RGL1: variants seen among roughly 807,000 people sequenced by gnomAD.
RGL1 encodes ral guanine nucleotide dissociation stimulator-like 1.
Under a neutral mutation model 95.2 loss-of-function variants are expected in RGL1, and 24 were observed. The ratio of observed to expected loss-of-function variants is 0.25; its 90% CI spans 0.18 to 0.35. The LOEUF (loss-of-function observed/expected upper bound fraction) is 0.35, where lower values mean the gene tolerates loss of function less well. RGL1 is among the 10% of genes least tolerant of loss of function. The pLI is 1.00. For synonymous variants in RGL1, 329 were observed against 344.9 expected, an observed-to-expected ratio of 0.95 and a Z score of 0.51; for missense variants, 715 against 936.3, an observed-to-expected ratio of 0.76 and a Z score of 3.08.
intron 2 of RGL1, among the ~76,000 whole-genome samples, chr1:183,791,829 C>T (rs1046074655): frequency 1.6e-4 from 25 of 152,130 alleles, no homozygotes; most frequent in African/African-American, 5.5e-4. Context: ...GCTCTTCTTT[C>T]CCTCTTGCTC....
chr1:183,638,465 G>A (rs1649693786), intron 1 of RGL1, among the ~76,000 whole-genome samples: 1 of 152,126 alleles, frequency 6.6e-6, no homozygotes, highest in East Asian at 1.9e-4. Flanking sequence ...CAGAAATTGA[G>A]TATTTTTTAG....
At chr1:183,871,201 G>GT (rs2102609726) in intron 4 of RGL1, among the ~76,000 whole-genome samples, 1 of 152,326 alleles carries the variant, frequency 6.6e-6, no homozygotes, top group South Asian at 2.1e-4. Context: ...TGGAAAGTGT[G>GT]TTACCAGTTT....
intron 1 of RGL1, among the ~76,000 whole-genome samples, chr1:183,697,606 G>A (rs991015765): frequency 2.0e-5 from 3 of 152,158 alleles, no homozygotes; most frequent in East Asian, 1.9e-4. Flanking sequence ...TTAAATGCAC[G>A]TTGTAACATC....
chr1:183,669,375 CT>C (rs1158083474), intron 1 of RGL1, among the ~76,000 whole-genome samples: 1 of 152,022 alleles, frequency 6.6e-6, no homozygotes, highest in East Asian at 1.9e-4. Flanking sequence ...TTTCATGTTT[CT>C]GTTTACATTA....
At chr1:183,648,588 T>G (rs776661029) in intron 1 of RGL1, 86 of 1,614,032 alleles carry the variant, frequency 5.3e-5, no homozygotes, top group Non-Finnish European at 2.5e-6. Context: ...AAATGTGAGG[T>G]GTTTTGTTTG....
At position 183,919,335 on chromosome 1, in the gene RGL1, T is replaced by C. The variant is rs373881036; in HGVS notation, c.2004+2634T>C. On this transcript the variant is annotated intron_variant, in intron 16 of 17. Transcript: ENST00000360851. ...GAGTACAGGGTACTGAAGAATACAG[T>C]GACAGCTAGTAGATTTGTAGTTAGA... is the stretch of plus-strand genomic sequence containing the variant. 3.4e-3 allele frequency among the ~76,000 whole-genome samples: 512 copies of C among 152,356 alleles called. 5 individuals carry two copies. The highest frequency in any genetic ancestry group is 0.012 in the African/African-American group (488 of 41,588).
intron 3 of RGL1, among the ~76,000 whole-genome samples, chr1:183,859,847 A>G (rs1665395796): frequency 6.6e-6 from 1 of 152,248 alleles, no homozygotes; most frequent in African/African-American, 2.4e-5. Flanking sequence ...AGACCTTTCC[A>G]AGGTAGGCTT....
At chr1:183,898,206 C>T (rs562247601) in intron 10 of RGL1, among the ~76,000 whole-genome samples, 1 of 152,310 alleles carries the variant, frequency 6.6e-6, no homozygotes, top group East Asian at 1.9e-4. Flanking sequence ...CTTCCGCCCC[C>T]TCCTGCACTT....
chr1:183,903,566 G>T (rs993526385), intron 12 of RGL1, among the ~76,000 whole-genome samples: 2 of 152,098 alleles, frequency 1.3e-5, no homozygotes, highest in African/African-American at 4.8e-5. Flanking sequence ...ACATGGGGGG[G>T]GTTTGGGAAT....
chr1:183,820,715 C>G (rs78051925), intron 2 of RGL1, among the ~76,000 whole-genome samples: 63 of 152,194 alleles, frequency 4.1e-4, no homozygotes, highest in Non-Finnish European at 6.9e-4. Context: ...CTGTAAAATC[C>G]GCACCAGAGT....
chr1:183,918,333 G>A (rs1489588165), intron 16 of RGL1, among the ~76,000 whole-genome samples: 1 of 151,838 alleles, frequency 6.6e-6, no homozygotes, highest in Non-Finnish European at 1.5e-5. Context: ...TGAGGGAGGG[G>A]CTAATAAAGG....
intron 3 of RGL1, among the ~76,000 whole-genome samples, chr1:183,862,405 A>G (rs1025009748): frequency 3.9e-5 from 6 of 152,158 alleles, no homozygotes; most frequent in African/African-American, 1.2e-4. Context: ...GGGGCAAATA[A>G]TCATCTCCAT....
At chr1:183,806,331 G>GA (rs755450411) in intron 1 of RGL1, 44 bp from the exon 2 acceptor site, 5 of 1,526,556 alleles carry the variant, frequency 3.3e-6, no homozygotes, top group East Asian at 4.5e-5. Context: ...TAGCAGAGAG[G>GA]AAAAAAATAC....
At chr1:183,912,039 G>T in intron 14 of RGL1, 43 bp from the exon 15 acceptor site, 4 of 1,577,084 alleles carry the variant, frequency 2.5e-6, no homozygotes, top group Non-Finnish European at 3.5e-6. Context: ...ATGGATTCCA[G>T]ATTTGTAACA....
intron 1 of RGL1, among the ~76,000 whole-genome samples, chr1:183,718,446 A>G (rs1034843050): frequency 1.3e-4 from 20 of 152,230 alleles, no homozygotes; most frequent in Admixed American, 3.3e-4. Context: ...AAACTTTTTC[A>G]TATCAACCTA....
At chr1:183,644,622 T>C (rs1650160401) in intron 1 of RGL1, among the ~76,000 whole-genome samples, 1 of 152,118 alleles carries the variant, frequency 6.6e-6, no homozygotes, top group Non-Finnish European at 1.5e-5. Context: ...GCATAGGTTA[T>C]GATGTGGCTT....
At chr1:183,716,390 G>T (rs1256416337) in intron 1 of RGL1, among the ~76,000 whole-genome samples, 1 of 152,192 alleles carries the variant, frequency 6.6e-6, no homozygotes, top group Admixed American at 6.5e-5. Flanking sequence ...ACAAAGTACT[G>T]ATCAAGTTAC....
chr1:183,785,779 G>C (rs1431917984), intron 2 of RGL1, among the ~76,000 whole-genome samples: 1 of 152,170 alleles, frequency 6.6e-6, no homozygotes, highest in Non-Finnish European at 1.5e-5. Flanking sequence ...TACTGGTTGG[G>C]TATCCTTTAT....
At chr1:183,671,667 G>T (rs1053439837) in intron 1 of RGL1, among the ~76,000 whole-genome samples, 86 of 152,050 alleles carry the variant, frequency 5.7e-4, no homozygotes, top group African/African-American at 2.1e-3. Context: ...CAAGAAATTT[G>T]ATATTTAAAT....
Sources: gnomAD v4.1 joint callset for allele counts (sites outside exome capture counted in the v4.1 genomes callset) on GRCh38, gnomAD v4.1.1 for gene constraint, MANE v1.5 for transcripts, NCBI Gene and HGNC (gene_info 2026-07-23, HGNC 2026-07-21) for gene names.